BRWD1: variants seen among roughly 807,000 people sequenced by gnomAD.
BRWD1 encodes bromodomain and WD repeat-containing protein 1.
A neutral mutation model predicts 251.2 loss-of-function variants in BRWD1; 82 were observed. The ratio of observed to expected loss-of-function variants is 0.33; its 90% CI spans 0.27 to 0.39. BRWD1 has a LOEUF of 0.39. Ranked by LOEUF, BRWD1 falls within the 10% of genes least tolerant of loss-of-function variation. The pLI is 1.00. For synonymous variants in BRWD1, 918 were observed against 902.8 expected, an observed-to-expected ratio of 1.02 and a Z score of -0.30; for missense variants, 2,233 against 2,711.6, an observed-to-expected ratio of 0.82 and a Z score of 3.92.
chr21:39,262,217 T>C (rs535289840), intron 17 of BRWD1, among the ~76,000 whole-genome samples: 9 of 152,186 alleles, frequency 5.9e-5, no homozygotes, highest in East Asian at 3.8e-4. Flanking sequence ...CACGTGACAG[T>C]TGGATATTTC....
intron 8 of BRWD1, among the ~76,000 whole-genome samples, chr21:39,287,481 A>G (rs2035676867): frequency 6.6e-6 from 1 of 152,192 alleles, no homozygotes; most frequent in African/African-American, 2.4e-5. Context: ...TCATAGTTAC[A>G]AGTCAATTCA....
chr21:39,232,189 T>G lies in BRWD1; in HGVS notation c.2988A>C (p.Lys996Asn), dbSNP rs570402193. 6.2e-7 allele frequency: 1 copy of G among 1,608,492 alleles called. No individual in the cohort carries two copies. Among genetic ancestry groups the G allele is most frequent in the Non-Finnish European group, 8.5e-7 (1 of 1,175,780 alleles). Residue 996 changes from lysine to asparagine, a missense_variant, in exon 25 of 41, where the codon AAA (lysine) becomes AAC (asparagine). Physicochemically the swap from Lys to Asn is moderately conservative, Grantham distance 94. Transcript: ENST00000342449. Reference sequence around the variant, plus strand: ...GCCATCATCCTACCCTAAGATCCATTTTTCTCCATGGCTCCTTATTAGGGT... The same window carrying G: ...GCCATCATCCTACCCTAAGATCCATGTTTCTCCATGGCTCCTTATTAGGGT... ...ELNPNKEPWR[K>N]MDLRDQELVK...
chr21:39,210,299 A>C, intron 35 of BRWD1, 152 bp from the exon 36 acceptor site: 1 of 641,948 alleles, frequency 1.6e-6, no homozygotes, highest in Admixed American at 3.1e-5. Flanking sequence ...AAAGAGGTAT[A>C]AAAACAAAGA....
At position 39,313,358 on chromosome 21, in the gene BRWD1, AG is replaced by A. The variant is rs1487521391; in HGVS notation, c.50-60del. 7 of 1,462,950 alleles carry A rather than the reference AG, an allele frequency of 4.8e-6. No homozygotes were observed. The East Asian group carries it at 1.1e-4, about 24-fold the overall frequency. 90.6% of individuals were successfully genotyped at this position (1,462,950 alleles called of 1,614,324 possible). A position where few individuals can be genotyped will look rare whatever the true frequency, so the allele number is the denominator to read the frequency against. The stretch of plus-strand genomic sequence containing the variant: ...GCGGGGAGGGGAGGGGGACGGGGCC[AG>A]GGGAGCCGGGGGAGCCCGGGGAGCC... On this transcript the variant is annotated intron_variant, in intron 1 of 40. Coordinates refer to ENST00000342449, the MANE Select transcript of BRWD1 (RefSeq NM_033656.4).
intron 4 of BRWD1, among the ~76,000 whole-genome samples, chr21:39,301,463 G>C (rs1472627425): frequency 1.4e-5 from 2 of 138,484 alleles, no homozygotes; most frequent in African/African-American, 5.3e-5. Context: ...CCAATAGTCA[G>C]GTAGAAACTG....
At chr21:39,256,164 C>T (rs1444742188) in intron 18 of BRWD1, among the ~76,000 whole-genome samples, 1 of 152,146 alleles carries the variant, frequency 6.6e-6, no homozygotes, top group Non-Finnish European at 1.5e-5. Flanking sequence ...GAATACGGAA[C>T]AAACATTAAC....
intron 7 of BRWD1, among the ~76,000 whole-genome samples, chr21:39,294,547 G>A (rs2035900994): frequency 6.6e-6 from 1 of 151,664 alleles, no homozygotes; most frequent in Admixed American, 6.6e-5. Context: ...CCCAACTACT[G>A]AAGAGGCTGA....
At chr21:39,285,117 C>T (rs7276698) in intron 8 of BRWD1, among the ~76,000 whole-genome samples, 141,156 of 152,306 alleles carry the variant, frequency 0.93, 65,756 homozygotes, top group African/African-American at 0.97. Flanking sequence ...GCCGTGTGTC[C>T]GTGTATACAC....
chr21:39,314,602 A>T (rs751540371), upstream of BRWD1: 2 of 343,136 alleles, frequency 5.8e-6, no homozygotes, highest in Non-Finnish European at 1.2e-5. Flanking sequence ...CTTCTGACCT[A>T]ACTATGAGTT....
At chr21:39,253,023 C>T (rs2034446510) in intron 19 of BRWD1, among the ~76,000 whole-genome samples, 1 of 152,186 alleles carries the variant, frequency 6.6e-6, no homozygotes, top group Non-Finnish European at 1.5e-5. Context: ...GATGCGGTGG[C>T]TCACGCCTGT....
rs1385423584 is a variant in BRWD1, at chr21:39,190,388, T to C, written c.*5871A>G. The C allele has an allele frequency of 1.0e-6, 1 of 985,230 alleles. No individual in the cohort carries two copies. Among genetic ancestry groups the C allele is most frequent in the East Asian group, 1.1e-4 (1 of 8,820 alleles). 61.0% of individuals were successfully genotyped at this position (985,230 alleles called of 1,614,324 possible). A position where few individuals can be genotyped will look rare whatever the true frequency, so the allele number is the denominator to read the frequency against. On this transcript the variant is annotated 3_prime_UTR_variant, in exon 41 of 41. Transcript: ENST00000342449. ...TTAAAATTGGAGCATTTAAAACAGA[T>C]TTGAGAATGAGAAAAGAATGTCTGA...
chr21:39,281,547 T>A (rs2035457338), intron 8 of BRWD1, among the ~76,000 whole-genome samples: 1 of 151,966 alleles, frequency 6.6e-6, no homozygotes, highest in Non-Finnish European at 1.5e-5. Context: ...AATACAAAAT[T>A]GTCCAGGCGT....
At chr21:39,265,148 G>GTATGAGCCAC in intron 15 of BRWD1, 129 bp from the exon 16 acceptor site, 2 of 999,440 alleles carry the variant, frequency 2.0e-6, no homozygotes, top group Non-Finnish European at 2.8e-6. Flanking sequence ...TTTCAGCCAG[G>GTATGAGCCAC]CATGGTGGCT....
intron 23 of BRWD1, among the ~76,000 whole-genome samples, chr21:39,236,189 A>G (rs151101173): frequency 0.015 from 2,316 of 152,284 alleles, 58 homozygotes; most frequent in African/African-American, 0.053. Context: ...CGGGGAGACC[A>G]GGGCCCCAGT....
At position 39,218,281 on chromosome 21, in the gene BRWD1, G is replaced by A. The variant is rs2146517730; in HGVS notation, c.3539-9C>T. ...AAAAGCTGCTGCTATATCTGTTAGG[G>A]AAGACAGGAGAGTTTTTAATCAATA... On this transcript the variant is annotated splice_polypyrimidine_tract_variant and intron_variant, in intron 30 of 40. Transcript: ENST00000342449. 6.3e-7 allele frequency: 1 copy of A among 1,592,158 alleles called. No homozygotes were observed. Among genetic ancestry groups the A allele is most frequent in the Non-Finnish European group, 8.5e-7 (1 of 1,174,222 alleles).
chr21:39,210,925 T>G lies in BRWD1; in HGVS notation c.3905A>C (p.His1302Pro). The G allele has an allele frequency of 6.2e-7, 1 of 1,610,548 alleles. No homozygotes were observed. The highest frequency in any genetic ancestry group is 1.1e-5 in the South Asian group (1 of 90,406). The change falls in exon 35 of 41, where the codon CAT (histidine) becomes CCT (proline). Residue 1302 changes from histidine to proline, a missense_variant. Physicochemically the swap from His to Pro is moderately conservative, Grantham distance 77 (BLOSUM62 -2). Transcript: ENST00000342449. ...PKTSSGRRRV[H>P]DGKKSIRATN... ...AGCTCTGATGCTTTTTTTCCCATCA[T>G]GGACCTAAAAATACATTCACAGTCT...
chr21:39,250,688 G>T, intron 20 of BRWD1, 108 bp downstream of exon 20: 1 of 695,590 alleles, frequency 1.4e-6, no homozygotes, highest in East Asian at 2.9e-5. Flanking sequence ...CCTTAAGCAA[G>T]AAATACTCCA....
At chr21:39,202,600 G>A (rs1339736266) in intron 37 of BRWD1, 55 bp from the exon 38 acceptor site, 6 of 1,247,706 alleles carry the variant, frequency 4.8e-6, no homozygotes, top group Non-Finnish European at 3.4e-6. Context: ...AAAGATAATT[G>A]GTTCACAGAG....
chr21:39,210,147 C>G lies in BRWD1; in HGVS notation c.4045G>C (p.Asp1349His), dbSNP rs1184768800. The change falls in exon 36 of 41, where the codon GAC becomes CAC. Residue 1349 changes from aspartate (D) to histidine (H), a missense_variant and splice_region_variant. Around this residue, in one of 12 missense-constraint regions of BRWD1, gnomAD observed 69 missense variants for 101.6 expected, o/e 0.68. Transcript: ENST00000342449. Reference sequence around the variant, plus strand: ...GGGGTATCTATAATATCTCTGTAGTCCTAGGTTTTAAACACAATATTTAAT... The same window carrying G: ...GGGGTATCTATAATATCTCTGTAGTGCTAGGTTTTAAACACAATATTTAAT... ...RQPVDLVEYPDYRDIIDTPMD... is the reference protein window; with the variant it reads ...RQPVDLVEYPHYRDIIDTPMD... 1 of 1,603,034 alleles carries G rather than the reference C, an allele frequency of 6.2e-7. No individual in the cohort carries two copies. The highest frequency in any genetic ancestry group is 8.5e-7 in the Non-Finnish European group (1 of 1,173,064).
Sources: allele counts gnomAD v4.1 joint callset (sites outside exome capture counted in the v4.1 genomes callset), GRCh38; gene constraint gnomAD v4.1.1; regional missense constraint gnomAD v4.1.1; transcripts MANE v1.5; gene names NCBI Gene and HGNC (gene_info 2026-07-23, HGNC 2026-07-21).